Variants in MAGI2 observed in about 807,000 individuals in gnomAD.
The protein encoded by MAGI2 is membrane-associated guanylate kinase, WW and PDZ domain-containing protein 2.
Under a neutral mutation model 133.3 loss-of-function variants are expected in MAGI2, and 35 were observed. The ratio of observed to expected loss-of-function variants is 0.26; its 90% CI spans 0.20 to 0.35. MAGI2 has a LOEUF of 0.35. MAGI2 is among the 10% of genes least tolerant of loss of function. The pLI is 1.00. For synonymous variants in MAGI2, 729 were observed against 710.6 expected (o/e 1.03, Z -0.41); for missense variants, 1,636 against 1,863.4 (o/e 0.88, Z 2.25).
At chr7:78,149,723 C>G (rs144983066) in intron 16 of MAGI2, among the ~76,000 whole-genome samples, 51 of 152,318 alleles carry the variant, frequency 3.3e-4, no homozygotes, top group East Asian at 1.7e-3. Context: ...AGACCCTCCT[C>G]TCATGATGAA....
intron 2 of MAGI2, among the ~76,000 whole-genome samples, chr7:78,736,471 A>G (rs1010875815): frequency 6.6e-6 from 1 of 152,216 alleles, no homozygotes; most frequent in African/African-American, 2.4e-5. Context: ...TGCAATGCAT[A>G]TATCATTATT....
At chr7:79,079,544 C>T (rs1024331479) in intron 1 of MAGI2, among the ~76,000 whole-genome samples, 1 of 152,046 alleles carries the variant, frequency 6.6e-6, no homozygotes, top group Non-Finnish European at 1.5e-5. Flanking sequence ...TGCTTTCAGG[C>T]TCTAATAGAT....
intron 10 of MAGI2, among the ~76,000 whole-genome samples, chr7:78,244,167 T>TAAAAAA (rs535442682): frequency 0.055 from 3,647 of 66,156 alleles, 2 homozygotes; most frequent in Non-Finnish European, 0.08. Context: ...CTATTTAAAT[T>TAAAAAA]AAAAAAAAAA....
chr7:78,739,930 G>A (rs1338317018), intron 2 of MAGI2, among the ~76,000 whole-genome samples: 2 of 152,036 alleles, frequency 1.3e-5, no homozygotes, highest in South Asian at 2.1e-4. Flanking sequence ...AGGCCGAGGC[G>A]GGCGGATCAC....
intron 2 of MAGI2, among the ~76,000 whole-genome samples, chr7:78,697,165 C>A (rs12536952): frequency 0.051 from 7,775 of 152,116 alleles, 278 homozygotes; most frequent in Non-Finnish European, 0.077. Context: ...AATCTCTTTT[C>A]ACATGTTTTT....
At chr7:78,454,087 T>C (rs1789035335) in intron 6 of MAGI2, among the ~76,000 whole-genome samples, 1 of 152,172 alleles carries the variant, frequency 6.6e-6, no homozygotes, top group South Asian at 2.1e-4. Flanking sequence ...GTCAGAGCTG[T>C]CACTGTACCA....
chr7:78,979,258 C>A (rs10225728), intron 2 of MAGI2, among the ~76,000 whole-genome samples: 20,304 of 151,636 alleles, frequency 0.13, 2,120 homozygotes, highest in African/African-American at 0.29. Flanking sequence ...GGAACCAGGA[C>A]CCTTTGGAGA....
intron 2 of MAGI2, among the ~76,000 whole-genome samples, chr7:78,900,660 C>T (rs1797555235): frequency 6.6e-6 from 1 of 152,186 alleles, no homozygotes. Context: ...ACTGTTGTCA[C>T]TCTTCATTCG....
intron 1 of MAGI2, among the ~76,000 whole-genome samples, chr7:79,179,180 T>A (rs1440573666): frequency 1.3e-5 from 2 of 152,120 alleles, no homozygotes; most frequent in South Asian, 2.1e-4. Flanking sequence ...GATATTTTAA[T>A]CTTTCAAATC....
At chr7:79,398,414 A>G (rs2107992) in intron 1 of MAGI2, among the ~76,000 whole-genome samples, 22,971 of 152,178 alleles carry the variant, frequency 0.15, 1,922 homozygotes, top group East Asian at 0.29. Context: ...ATCTTCTCAT[A>G]TTCAGTGGGC....
At position 78,127,532 on chromosome 7, in the gene MAGI2, C is replaced by T. The variant is rs2074642; in HGVS notation, c.3204-116G>A. The T allele has an allele frequency of 0.84, 573,877 of 683,132 alleles. 243,321 individuals carry two copies. The highest frequency in any genetic ancestry group is 0.91 in the African/African-American group (49,059 of 53,966). The allele number at this position is 683,132 out of a possible 1,614,324, so 42.3% of individuals were successfully genotyped here. A position where few individuals can be genotyped will look rare whatever the true frequency, so the allele number is the denominator to read the frequency against. Reference sequence around the variant, plus strand: ...GACAGCTCACACAAACCACTCCTCTCGGTGGTCCTGTTGGATGCTCAGGAT... The same window carrying T: ...GACAGCTCACACAAACCACTCCTCTTGGTGGTCCTGTTGGATGCTCAGGAT... On this transcript the variant is annotated intron_variant, in intron 18 of 21. Transcript: ENST00000354212.
At chr7:78,752,088 T>C (rs1008786713) in intron 2 of MAGI2, among the ~76,000 whole-genome samples, 1 of 152,208 alleles carries the variant, frequency 6.6e-6, no homozygotes, top group Non-Finnish European at 1.5e-5. Context: ...TTGGGGACTC[T>C]TCAAGGAAGC....
intron 9 of MAGI2, among the ~76,000 whole-genome samples, chr7:78,268,546 G>T (rs1794241927): frequency 6.6e-6 from 1 of 152,084 alleles, no homozygotes; most frequent in South Asian, 2.1e-4. Context: ...TGGCTTAGAG[G>T]AGTCAAGTCC....
At chr7:78,965,917 C>T (rs1803267567) in intron 2 of MAGI2, among the ~76,000 whole-genome samples, 1 of 151,998 alleles carries the variant, frequency 6.6e-6, no homozygotes, top group African/African-American at 2.4e-5. Context: ...CTTTTGGAGG[C>T]AACCTCATCC....
At chr7:79,402,907 T>G (rs1444158797) in intron 1 of MAGI2, among the ~76,000 whole-genome samples, 1 of 152,224 alleles carries the variant, frequency 6.6e-6, no homozygotes, top group East Asian at 1.9e-4. Flanking sequence ...CAAACTTTGG[T>G]TCTACCCCAG....
intron 1 of MAGI2, among the ~76,000 whole-genome samples, chr7:79,128,223 T>G (rs1260274007): frequency 1.3e-5 from 2 of 152,110 alleles, no homozygotes; most frequent in African/African-American, 4.8e-5. Flanking sequence ...GATTCACATA[T>G]TATATGGTTT....
intron 2 of MAGI2, among the ~76,000 whole-genome samples, chr7:78,725,989 T>C (rs930757765): frequency 6.6e-6 from 1 of 152,150 alleles, no homozygotes; most frequent in Non-Finnish European, 1.5e-5. Flanking sequence ...TTTAATATAG[T>C]TGCTCAAAAA....
At chr7:78,235,604 T>A (rs1275800048) in intron 10 of MAGI2, among the ~76,000 whole-genome samples, 2 of 152,174 alleles carry the variant, frequency 1.3e-5, no homozygotes, top group African/African-American at 4.8e-5. Flanking sequence ...AAGAAGGACA[T>A]GTTTGCTCCC....
intron 1 of MAGI2, among the ~76,000 whole-genome samples, chr7:79,086,215 C>G (rs892792900): frequency 1.3e-5 from 2 of 151,792 alleles, no homozygotes; most frequent in African/African-American, 4.8e-5. Flanking sequence ...AGACTGAACT[C>G]CAAGTCAGGT....
Sources: allele counts gnomAD v4.1 joint callset (sites outside exome capture counted in the v4.1 genomes callset), GRCh38; gene constraint gnomAD v4.1.1; transcripts MANE v1.5; gene names NCBI Gene and HGNC (gene_info 2026-07-23, HGNC 2026-07-21).